TTC34: variants seen among roughly 807,000 people sequenced by gnomAD.
The protein encoded by TTC34 is tetratricopeptide repeat protein 34.
A neutral mutation model predicts 40.7 loss-of-function variants in TTC34; 44 were observed. That is an observed-to-expected ratio of 1.08 (90% CI 0.85 to 1.39). The LOEUF (loss-of-function observed/expected upper bound fraction) is 1.39. TTC34 is among the 40% of genes most tolerant of loss of function. The pLI is 0.00. For synonymous variants in TTC34, 422 were observed against 398.6 expected, an observed-to-expected ratio of 1.06 and a Z score of -0.70; for missense variants, 884 against 838.0, an observed-to-expected ratio of 1.05 and a Z score of -0.68.
chr1:2,787,645 C>T (rs1391912681), exon 4 of TTC34: 1 of 1,549,908 alleles, frequency 6.5e-7, no homozygotes. Context: ...AGGCGAGAGG[C>T]CTCGTCCTCT....
chr1:2,752,373 C>G (rs1164255137), intron 6 of TTC34, among the ~76,000 whole-genome samples: 2 of 127,622 alleles, frequency 1.6e-5, no homozygotes, highest in East Asian at 5.1e-4. Context: ...ACCCACACCC[C>G]CAGGCGAGCA....
chr1:2,687,883 A>T (rs796912151), intron 6 of TTC34, among the ~76,000 whole-genome samples: 1 of 98,548 alleles, frequency 1.0e-5, no homozygotes, highest in Non-Finnish European at 2.0e-5. Flanking sequence ...AACAGAACCC[A>T]CATCCCCAGG....
chr1:2,801,267 A>T (rs577535424), intron 1 of TTC34, among the ~76,000 whole-genome samples: 43 of 148,094 alleles, frequency 2.9e-4, no homozygotes, highest in African/African-American at 1.1e-3. Context: ...AGGAAGGCAC[A>T]CCCCCCGTCA....
intron 6 of TTC34, among the ~76,000 whole-genome samples, chr1:2,750,359 C>G (rs1641275372): frequency 9.3e-6 from 1 of 107,468 alleles, no homozygotes; most frequent in Non-Finnish European, 1.8e-5. Context: ...GAACAGCACC[C>G]TGCACCCCGA....
intron 6 of TTC34, among the ~76,000 whole-genome samples, chr1:2,675,098 A>G (rs1639851208): frequency 7.7e-6 from 1 of 130,254 alleles, no homozygotes; most frequent in African/African-American, 2.8e-5. Context: ...CGAGCATCTG[A>G]CAGCCTGGAG....
intron 6 of TTC34, among the ~76,000 whole-genome samples, chr1:2,778,853 TC>T (rs1643418450): frequency 6.6e-6 from 1 of 152,220 alleles, no homozygotes; most frequent in Non-Finnish European, 1.5e-5. Flanking sequence ...ACCATCCCTT[TC>T]CAGAACTAGC....
intron 6 of TTC34, among the ~76,000 whole-genome samples, chr1:2,747,553 C>CAG (rs1569680472): frequency 0.011 from 970 of 85,404 alleles, no homozygotes; most frequent in Non-Finnish European, 0.012. Context: ...ACAGAAACCC[C>CAG]ACCCTCAGGT....
At chr1:2,658,403 C>A (rs1457757057) in intron 6 of TTC34, among the ~76,000 whole-genome samples, 1 of 66,024 alleles carries the variant, frequency 1.5e-5, no homozygotes, top group African/African-American at 4.3e-5. Context: ...AGCATCTGAA[C>A]ACACGGAGCA....
intron 6 of TTC34, among the ~76,000 whole-genome samples, chr1:2,649,508 G>C (rs1258911950): frequency 6.6e-6 from 1 of 152,104 alleles, no homozygotes; most frequent in Non-Finnish European, 1.5e-5. Flanking sequence ...TGACAGCCTG[G>C]AACAGCACCC....
In TTC34 at chr1:2,675,212, C is replaced by A. The variant is rs1383053008; in HGVS notation, c.2227-29649G>T. Among the ~76,000 whole-genome samples, 345 of 142,268 alleles carry A rather than the reference C, an allele frequency of 2.4e-3. 5 individuals carry two copies. The highest frequency in any genetic ancestry group is 3.9e-3 in the Non-Finnish European group (254 of 65,028). The allele number at this position is 142,268 out of a possible 152,430, so 93.3% of individuals were successfully genotyped here. On this transcript the variant is annotated intron_variant, in intron 6 of 8. Coordinates refer to ENST00000401095, the Ensembl canonical transcript of TTC34. Reference sequence around the variant, plus strand: ...AGCAGCACCGACAACCCCAGGTGAGCATCTGAGAGCCTGGAACAGCACCCA... The same window carrying A: ...AGCAGCACCGACAACCCCAGGTGAGAATCTGAGAGCCTGGAACAGCACCCA...
At chr1:2,776,109 GA>G (rs1328719938) in intron 6 of TTC34, 1 of 138,690 alleles carries the variant, frequency 7.2e-6, no homozygotes, top group East Asian at 2.1e-4. Context: ...TGATAAGTGG[GA>G]AAAAGCTCCC....
chr1:2,768,273 A>T (rs1324541647), intron 6 of TTC34, among the ~76,000 whole-genome samples: 1 of 152,016 alleles, frequency 6.6e-6, no homozygotes, highest in Non-Finnish European at 1.5e-5. Flanking sequence ...TCACCTGGGG[A>T]TGGAAGGTGC....
intron 6 of TTC34, among the ~76,000 whole-genome samples, chr1:2,772,790 T>G (rs1170689176): frequency 2.3e-5 from 1 of 44,162 alleles, no homozygotes; most frequent in Non-Finnish European, 4.4e-5. Flanking sequence ...GGTGAGCATC[T>G]GACATCCTGG....
At chr1:2,695,112 A>C (rs1157656654) in intron 6 of TTC34, among the ~76,000 whole-genome samples, 5 of 124,318 alleles carry the variant, frequency 4.0e-5, no homozygotes, top group African/African-American at 1.5e-4. Context: ...CAGCACCCAT[A>C]CGCCAAGATG....
At chr1:2,797,510 G>T (rs1441909204) in intron 2 of TTC34, among the ~76,000 whole-genome samples, 2 of 152,158 alleles carry the variant, frequency 1.3e-5, no homozygotes, top group Non-Finnish European at 2.9e-5. Context: ...CACCTGTCTG[G>T]CTGCCTAATG....
chr1:2,786,361 T>C (rs1256095708), intron 4 of TTC34, among the ~76,000 whole-genome samples: 1 of 152,216 alleles, frequency 6.6e-6, no homozygotes, highest in Non-Finnish European at 1.5e-5. Flanking sequence ...TGTGTTGCGA[T>C]GTGGCCATTT....
exon 3 of TTC34, chr1:2,789,975 C>A (rs370419315): frequency 0.014 from 5,630 of 392,320 alleles, 62 homozygotes; most frequent in Admixed American, 0.023. Flanking sequence ...CCCGCCGCGT[C>A]CCCTGCCAGC....
chr1:2,795,106 C>G (rs1056675163), intron 2 of TTC34, among the ~76,000 whole-genome samples: 8 of 151,696 alleles, frequency 5.3e-5, no homozygotes, highest in African/African-American at 1.9e-4. Flanking sequence ...AAAAAATTAG[C>G]CAGTTGTGAT....
intron 6 of TTC34, among the ~76,000 whole-genome samples, chr1:2,691,757 T>C (rs1640629694): frequency 1.1e-5 from 1 of 95,046 alleles, no homozygotes; most frequent in Non-Finnish European, 2.4e-5. Flanking sequence ...CAGGCAAGCA[T>C]CTGAACGCAA....
Sources: allele counts gnomAD v4.1 joint callset (sites outside exome capture counted in the v4.1 genomes callset), GRCh38; gene constraint gnomAD v4.1.1; transcripts MANE v1.5; gene names NCBI Gene and HGNC (gene_info 2026-07-23, HGNC 2026-07-21).